Variants in KLHDC1 observed in about 807,000 individuals in gnomAD.
KLHDC1 encodes kelch domain-containing protein 1.
In KLHDC1, 53 loss-of-function variants were observed where a neutral mutation model predicts 68.3. The ratio of observed to expected loss-of-function variants is 0.78; its 90% CI spans 0.62 to 0.98. The LOEUF (loss-of-function observed/expected upper bound fraction) is 0.98, where lower values mean the gene tolerates loss of function less well. Among genes scored for constraint, KLHDC1 ranks in the 50% least tolerant of loss-of-function variants. KLHDC1 has a pLI of 0.00. For synonymous variants in KLHDC1, 148 were observed against 159.0 expected, an observed-to-expected ratio of 0.93 and a Z score of 0.52; for missense variants, 470 against 492.3, an observed-to-expected ratio of 0.95 and a Z score of 0.43.
At chr14:49,711,467 T>C (rs1888198412) in intron 4 of KLHDC1, among the ~76,000 whole-genome samples, 2 of 152,240 alleles carry the variant, frequency 1.3e-5, no homozygotes, top group South Asian at 4.1e-4. Context: ...CCTCCCAAAG[T>C]GCTGGGATTA....
intron 6 of KLHDC1, among the ~76,000 whole-genome samples, chr14:49,726,464 G>GA (rs1029464666): frequency 2.0e-5 from 3 of 152,096 alleles, no homozygotes; most frequent in African/African-American, 7.2e-5. Context: ...AGGTTTTCTA[G>GA]AAAAAAGTCT....
At position 49,727,040 on chromosome 14, in the gene KLHDC1, T is replaced by C. The variant is rs555893928; in HGVS notation, c.567+1271T>C. ...CAGGCAGATTGCCTGAGCTCAGAAGTTCGAGACCAACCTGGGCAACATGGT... is the reference window on the plus strand; with the variant it reads ...CAGGCAGATTGCCTGAGCTCAGAAGCTCGAGACCAACCTGGGCAACATGGT... On this transcript the variant is annotated intron_variant, in intron 6 of 12. Coordinates refer to ENST00000359332, the MANE Select transcript of KLHDC1 (RefSeq NM_172193.3). Among the ~76,000 whole-genome samples, 498 of 151,236 alleles carry C rather than the reference T, an allele frequency of 3.3e-3. 4 individuals carry two copies. The highest frequency in any genetic ancestry group is 0.012 in the African/African-American group (484 of 41,492).
At chr14:49,736,076 T>G (rs1888925119) in intron 10 of KLHDC1, among the ~76,000 whole-genome samples, 1 of 152,204 alleles carries the variant, frequency 6.6e-6, no homozygotes, top group East Asian at 1.9e-4. Context: ...AGAGTTGGAC[T>G]AGATAATCTC....
At chr14:49,695,993 G>T (rs1313864081) in intron 1 of KLHDC1, among the ~76,000 whole-genome samples, 1 of 151,346 alleles carries the variant, frequency 6.6e-6, no homozygotes, top group Non-Finnish European at 1.5e-5. Context: ...GAGAACCCAG[G>T]AGGCGGAGCT....
At chr14:49,704,495 G>A (rs1887996977) in intron 1 of KLHDC1, among the ~76,000 whole-genome samples, 1 of 133,716 alleles carries the variant, frequency 7.5e-6, no homozygotes, top group East Asian at 2.7e-4. Context: ...CCAGGCTCAA[G>A]CAATTCTCGT....
chr14:49,702,207 A>C (rs1039888299), intron 1 of KLHDC1, among the ~76,000 whole-genome samples: 36 of 152,068 alleles, frequency 2.4e-4, no homozygotes, highest in African/African-American at 8.7e-4. Flanking sequence ...CCCATTGAAA[A>C]ATGAGCAATG....
chr14:49,750,298 G>C (rs936152778), intron 12 of KLHDC1, among the ~76,000 whole-genome samples: 1 of 152,070 alleles, frequency 6.6e-6, no homozygotes, highest in Non-Finnish European at 1.5e-5. Flanking sequence ...CTTATTTCTC[G>C]TCTCTAGGGC....
chr14:49,713,823 TATATATATATATATATATATATATA>T lies in KLHDC1; in HGVS notation c.404+3443_404+3467del, dbSNP rs1888283140. Among the ~76,000 whole-genome samples the T allele has an allele frequency of 4.5e-3, 17 of 3,796 alleles. 1 individual carries two copies. The highest frequency in any genetic ancestry group is 6.8e-3 in the African/African-American group (17 of 2,484). The allele number at this position is 3,796 out of a possible 152,430, so 2.5% of individuals were successfully genotyped here. On this transcript the variant is annotated intron_variant, in intron 4 of 12. Coordinates refer to ENST00000359332, the MANE Select transcript of KLHDC1 (RefSeq NM_172193.3). ...GTATATATATATATATATATATATA[TATATATATATATATATATATATATA>T]TATTTTTTTTTTTTTTTTTCCTGAG...
At chr14:49,729,461 C>G (rs763069183) in intron 7 of KLHDC1, 29 bp from the exon 8 acceptor site, 2 of 1,501,956 alleles carry the variant, frequency 1.3e-6, no homozygotes, top group East Asian at 2.3e-5. Flanking sequence ...ATGTGAAATA[C>G]TGACCAATGT....
chr14:49,738,089 A>G (rs1490193632), intron 10 of KLHDC1, among the ~76,000 whole-genome samples: 2 of 151,566 alleles, frequency 1.3e-5, no homozygotes, highest in Middle Eastern at 3.4e-3. Flanking sequence ...GTGCAGTGGC[A>G]TGATCTCGGC....
At chr14:49,747,182 C>T (rs369868160) in intron 12 of KLHDC1, among the ~76,000 whole-genome samples, 16 of 152,216 alleles carry the variant, frequency 1.1e-4, no homozygotes, top group South Asian at 4.1e-4. Context: ...CTCCTGACCT[C>T]GTGATTCACC....
Position 49,703,457 on chromosome 14 carries a change from C to G in KLHDC1, c.97-5702C>G, listed in dbSNP as rs547273106. Among the ~76,000 whole-genome samples the G allele has an allele frequency of 9.9e-5, 15 of 152,136 alleles. 1 individual carries two copies. The South Asian group carries it at 3.1e-3, about 31-fold the overall frequency. On this transcript the variant is annotated intron_variant, in intron 1 of 12. Transcript: ENST00000359332. ...TCCTGGGTTCAAGTGATCCTCCTGC[C>G]TCAGCCTCCCAAGTAGCTGGGATTA...
At chr14:49,714,516 G>A (rs1173081109) in intron 4 of KLHDC1, among the ~76,000 whole-genome samples, 4 of 151,970 alleles carry the variant, frequency 2.6e-5, no homozygotes, top group Non-Finnish European at 2.9e-5. Context: ...GCTCATGCCT[G>A]TAATCCCAGT....
Position 49,751,780 on chromosome 14 carries a change from T to C in KLHDC1, c.*8T>C, listed in dbSNP as rs1019943835. On this transcript the variant is annotated 3_prime_UTR_variant, in exon 13 of 13. Coordinates refer to ENST00000359332, the MANE Select transcript of KLHDC1 (RefSeq NM_172193.3). ...TGGATCAGTAGCAATTAAATTGTTA[T>C]ATACTTTACATATTTAGTATGTTTT... 1.4e-6 allele frequency: 2 copies of C among 1,421,386 alleles called. No homozygotes were observed. Among genetic ancestry groups the C allele is most frequent in the Non-Finnish European group, 1.9e-6 (2 of 1,033,252 alleles). 88.0% of individuals were successfully genotyped at this position (1,421,386 alleles called of 1,614,324 possible).
chr14:49,698,468 C>T (rs918315071), intron 1 of KLHDC1, among the ~76,000 whole-genome samples: 3 of 151,822 alleles, frequency 2.0e-5, no homozygotes, highest in Non-Finnish European at 4.4e-5. Context: ...TCCCAAAGTG[C>T]TGGGATTACA....
intron 6 of KLHDC1, among the ~76,000 whole-genome samples, chr14:49,727,594 A>G (rs1056174794): frequency 1.3e-5 from 2 of 152,300 alleles, no homozygotes; most frequent in East Asian, 3.9e-4. Flanking sequence ...TTTCCAGGCA[A>G]TAAATTTCAG....
intron 6 of KLHDC1, among the ~76,000 whole-genome samples, chr14:49,727,196 G>C (rs1034380444): frequency 1.3e-5 from 2 of 151,892 alleles, no homozygotes; most frequent in African/African-American, 4.8e-5. Context: ...TGCAGTGAGC[G>C]GAGATTGCTC....
At chr14:49,745,859 G>A (rs1216746922) in intron 12 of KLHDC1, among the ~76,000 whole-genome samples, 27 of 152,184 alleles carry the variant, frequency 1.8e-4, no homozygotes, top group South Asian at 2.1e-4. Flanking sequence ...CTGGTGTAAA[G>A]AGATCAAGAG....
In KLHDC1 at chr14:49,729,506, AT is replaced by A; in HGVS notation, c.671del (p.Leu224CysfsTer4). 6.2e-7 allele frequency: 1 copy of A among 1,610,334 alleles called. No individual in the cohort carries two copies. Among genetic ancestry groups the A allele is most frequent in the Non-Finnish European group, 8.5e-7 (1 of 1,176,868 alleles). On this transcript the variant is annotated frameshift_variant, in exon 8 of 13. Coordinates refer to ENST00000359332, the MANE Select transcript of KLHDC1 (RefSeq NM_172193.3). LOFTEE classifies it high-confidence loss of function. ...TTCTTTTAGCAAACTAGGATGAATGATTTGCACTATCTAAACCTAGACACCT... is the reference window on the plus strand; with the variant it reads ...TTCTTTTAGCAAACTAGGATGAATGATTGCACTATCTAAACCTAGACACCT... ...GGRVLQTRMNDLHYLNLDTWT... is the reference protein window; with the variant it reads ...GGRVLQTRMNXLHYLNLDTWT...
Sources: allele counts gnomAD v4.1 joint callset (sites outside exome capture counted in the v4.1 genomes callset), GRCh38; gene constraint gnomAD v4.1.1; transcripts MANE v1.5; gene names NCBI Gene and HGNC (gene_info 2026-07-23, HGNC 2026-07-21).